Variants in SRRM3 observed in about 807,000 individuals in gnomAD.
SRRM3 encodes serine/arginine repetitive matrix 3.
SRRM3 carries 27 observed loss-of-function variants against 66.2 expected under a neutral mutation model. That is an observed-to-expected ratio of 0.41 (90% confidence interval 0.30 to 0.56). The LOEUF (loss-of-function observed/expected upper bound fraction) is 0.56, where lower values mean the gene tolerates loss of function less well. Among genes scored for constraint, SRRM3 ranks in the 20% least tolerant of loss-of-function variants. The pLI is 0.32. For missense variants in SRRM3, 918 were observed against 991.9 expected (o/e 0.93, Z 1.00); for synonymous variants, 391 against 414.9 (o/e 0.94, Z 0.70).
intron 3 of SRRM3, among the ~76,000 whole-genome samples, chr7:76,252,067 T>C (rs749558241): frequency 1.3e-5 from 2 of 151,868 alleles, no homozygotes; most frequent in Non-Finnish European, 2.9e-5. Flanking sequence ...TAAGGCTCTG[T>C]CTCAAAAAAT....
chr7:76,242,307 A>T (rs1801325048), intron 2 of SRRM3, among the ~76,000 whole-genome samples: 1 of 152,104 alleles, frequency 6.6e-6, no homozygotes, highest in Non-Finnish European at 1.5e-5. Flanking sequence ...CAACATGGAG[A>T]AACTCCATTT....
chr7:76,255,124 T>C (rs1801676001), intron 3 of SRRM3, among the ~76,000 whole-genome samples: 1 of 139,520 alleles, frequency 7.2e-6, no homozygotes, highest in African/African-American at 2.9e-5. Flanking sequence ...TTATTTTTCC[T>C]TTTCTTTCTT....
Position 76,282,989 on chromosome 7 carries a change from A to C in SRRM3, c.1621A>C (p.Arg541=). Residue 541 remains arginine (R), a synonymous_variant, in exon 14 of 15, where the codon AGG becomes CGG. Coordinates refer to ENST00000611745, the MANE Select transcript of SRRM3 (RefSeq NM_001110199.3). The part of the protein sequence containing the change: ...SRDKDGEGRA[R]HSEAEATRAR... Reference sequence around the variant, plus strand: ...GGACAAGGACGGCGAGGGCCGCGCAAGGCACTCTGAGGCCGAGGCCACCCG... The same window carrying C: ...GGACAAGGACGGCGAGGGCCGCGCACGGCACTCTGAGGCCGAGGCCACCCG... The C allele has an allele frequency of 6.9e-7, 1 of 1,440,360 alleles. No homozygotes were observed. Among genetic ancestry groups the C allele is most frequent in the Non-Finnish European group, 9.1e-7 (1 of 1,102,576 alleles). The allele number at this position is 1,440,360 out of a possible 1,614,324, so 89.2% of individuals were successfully genotyped here. A position where few individuals can be genotyped will look rare whatever the true frequency, so the allele number is the denominator to read the frequency against.
intron 11 of SRRM3, among the ~76,000 whole-genome samples, chr7:76,277,538 A>C (rs1554611297): frequency 6.6e-6 from 1 of 151,976 alleles, no homozygotes; most frequent in African/African-American, 2.4e-5. Flanking sequence ...TACTAAAAAT[A>C]CAAAAAAATT....
Position 76,285,833 on chromosome 7 carries a change from G to T in SRRM3, c.1952G>T (p.Gly651Val). The change falls in exon 15 of 15, where the codon GGG (glycine) becomes GTG (valine). Residue 651 changes from glycine to valine, a missense_variant. By Grantham distance (109) the Gly-to-Val change is moderately radical. Coordinates refer to ENST00000611745, the MANE Select transcript of SRRM3 (RefSeq NM_001110199.3). The surrounding 1 kb of genome is among the most constrained non-coding windows in gnomAD (Gnocchi z 4.1). ...SYHSRSSSES[G>V]GF is the part of the protein sequence containing the mutation. ...CACAGCCGGAGCAGCTCTGAGAGCG[G>T]GGGCTTCTGAGCCCAGACAGACTCA... 2 of 1,549,532 alleles carry T rather than the reference G, an allele frequency of 1.3e-6. No individual in the cohort carries two copies. Among genetic ancestry groups the T allele is most frequent in the Non-Finnish European group, 1.7e-6 (2 of 1,146,304 alleles).
intron 1 of SRRM3, among the ~76,000 whole-genome samples, chr7:76,215,889 C>T (rs1160687612): frequency 6.6e-6 from 1 of 151,064 alleles, no homozygotes; most frequent in East Asian, 1.9e-4. Context: ...GCTCCGCCTC[C>T]CGGGTTCATG....
intron 1 of SRRM3, among the ~76,000 whole-genome samples, chr7:76,207,972 C>T (rs1554601320): frequency 6.6e-6 from 1 of 152,182 alleles, no homozygotes; most frequent in African/African-American, 2.4e-5. Context: ...CAGAGAGAGT[C>T]TCTCCCTTGC....
intron 10 of SRRM3, among the ~76,000 whole-genome samples, chr7:76,266,274 T>A (rs1802039201): frequency 4.3e-5 from 5 of 115,266 alleles, no homozygotes; most frequent in African/African-American, 1.1e-4. Context: ...TTATATTTAA[T>A]TATATTATAT....
chr7:76,202,047 A>T lies in SRRM3; in HGVS notation c.-60A>T, dbSNP rs1387501863. The T allele has an allele frequency of 6.6e-6, 1 of 152,300 alleles. No individual in the cohort carries two copies. Among genetic ancestry groups the T allele is most frequent in the African/African-American group, 2.4e-5 (1 of 41,340 alleles). 9.4% of individuals were successfully genotyped at this position (152,300 alleles called of 1,614,324 possible). A position where few individuals can be genotyped will look rare whatever the true frequency, so the allele number is the denominator to read the frequency against. On this transcript the variant is annotated 5_prime_UTR_variant, in exon 1 of 15. Coordinates refer to ENST00000611745, the MANE Select transcript of SRRM3 (RefSeq NM_001110199.3). ...AGGGCCTGGCCCCAGCGCCCGGTAG[A>T]TCGCGGCGGTCAGCGGTGAGGTGAG...
chr7:76,206,275 T>G (rs1800299868), intron 1 of SRRM3, among the ~76,000 whole-genome samples: 1 of 152,076 alleles, frequency 6.6e-6, no homozygotes, highest in Non-Finnish European at 1.5e-5. Flanking sequence ...AGAACAGCTT[T>G]TGATGAATGG....
chr7:76,282,755 G>A lies in SRRM3; in HGVS notation c.1478G>A (p.Gly493Asp), dbSNP rs1554612151. The change falls in exon 13 of 15, where the codon GGC (glycine) becomes GAC (aspartate). Residue 493 changes from glycine to aspartate, a missense_variant. Coordinates refer to ENST00000611745, the MANE Select transcript of SRRM3 (RefSeq NM_001110199.3). The part of the protein sequence containing the change: ...PEGKSSSRSP[G>D]PHPRSWSSSR... The stretch of plus-strand genomic sequence containing the variant: ...GGGAAGAGCTCGTCGCGCAGCCCCG[G>A]CCCGCACCCCCGCTCCTGGAGCTCC... 9 of 1,464,746 alleles carry A rather than the reference G, an allele frequency of 6.1e-6. No individual in the cohort carries two copies. The highest frequency in any genetic ancestry group is 1.3e-5 in the South Asian group (1 of 77,354). The allele number at this position is 1,464,746 out of a possible 1,614,324, so 90.7% of individuals were successfully genotyped here.
intron 1 of SRRM3, among the ~76,000 whole-genome samples, chr7:76,229,530 A>G (rs1389007819): frequency 6.6e-6 from 1 of 151,924 alleles, no homozygotes; most frequent in South Asian, 2.1e-4. Context: ...TTGGCACCCT[A>G]TTTTTGTTGA....
At chr7:76,228,070 A>G (rs1554603888) in intron 1 of SRRM3, among the ~76,000 whole-genome samples, 1 of 152,044 alleles carries the variant, frequency 6.6e-6, no homozygotes. Flanking sequence ...GTGTCTGACT[A>G]TATTGGCTAG....
At position 76,285,556 on chromosome 7, in the gene SRRM3, C is replaced by A. The variant is rs1802641115; in HGVS notation, c.1734-59C>A. The A allele has an allele frequency of 7.0e-7, 1 of 1,437,950 alleles. No individual in the cohort carries two copies. The highest frequency in any genetic ancestry group is 9.5e-7 in the Non-Finnish European group (1 of 1,057,592). The allele number at this position is 1,437,950 out of a possible 1,614,324, so 89.1% of individuals were successfully genotyped here. A position where few individuals can be genotyped will look rare whatever the true frequency, so the allele number is the denominator to read the frequency against. The stretch of plus-strand genomic sequence containing the variant: ...AAACTGAGGCAGGAAGCCCTGGCCG[C>A]TGCTGGGATGGGGCTCGGGGCCTGG... On this transcript the variant is annotated intron_variant, in intron 14 of 14. Transcript: ENST00000611745. The surrounding 1 kb of genome is among the most constrained non-coding windows in gnomAD (Gnocchi z 4.1).
At chr7:76,261,446 T>G (rs782075967) in intron 7 of SRRM3, 32 bp downstream of exon 7, 1 of 1,597,952 alleles carries the variant, frequency 6.3e-7, no homozygotes, top group South Asian at 1.1e-5. Flanking sequence ...TGGGGCCTCC[T>G]CTTCCTCCCG....
chr7:76,267,264 C>A lies in SRRM3; in HGVS notation c.837C>A (p.Ser279Arg). 6.5e-7 allele frequency: 1 copy of A among 1,548,400 alleles called. No individual in the cohort carries two copies. The highest frequency in any genetic ancestry group is 8.7e-7 in the Non-Finnish European group (1 of 1,154,116). Residue 279 changes from serine to arginine, a missense_variant, in exon 11 of 15, where the codon AGC becomes AGA. Transcript: ENST00000611745. ...YSDSRSPSRL[S>R]PKHRDEGRKT... ...TCCTGGCGCCTAACCCCAGGCTGAG[C>A]CCCAAGCACCGAGACGAAGGGCGAA...
At chr7:76,202,223 C>G (rs1800163455) in intron 1 of SRRM3, among the ~76,000 whole-genome samples, 156 bp downstream of exon 1, 1 of 152,112 alleles carries the variant, frequency 6.6e-6, no homozygotes, top group South Asian at 2.1e-4. Context: ...GCCAGGCGCC[C>G]GGGGAGCAGA....
chr7:76,267,491 G>A, intron 11 of SRRM3, 56 bp downstream of exon 11: 1 of 1,256,828 alleles, frequency 8.0e-7, no homozygotes, highest in East Asian at 3.2e-5. Flanking sequence ...GCCGTGCGTG[G>A]TCGGGCGGGT....
chr7:76,230,963 C>A (rs1801000872), intron 1 of SRRM3, among the ~76,000 whole-genome samples: 1 of 152,028 alleles, frequency 6.6e-6, no homozygotes, highest in Non-Finnish European at 1.5e-5. Flanking sequence ...GTTGCCCAGG[C>A]TGGTCTTGAA....
Sources: allele counts gnomAD v4.1 joint callset (sites outside exome capture counted in the v4.1 genomes callset), GRCh38; gene constraint gnomAD v4.1.1; non-coding constraint Gnocchi (gnomAD v3.1); transcripts MANE v1.5; gene names NCBI Gene and HGNC (gene_info 2026-07-23, HGNC 2026-07-21).